GRAMD1B: variants seen among roughly 807,000 people sequenced by gnomAD.
GRAMD1B encodes the protein protein Aster-B.
GRAMD1B carries 37 observed loss-of-function variants against 99.7 expected under a neutral mutation model. The observed-to-expected ratio is 0.37, with a 90% CI of 0.29 to 0.49. The LOEUF (loss-of-function observed/expected upper bound fraction) is 0.49. Among genes scored for constraint, GRAMD1B ranks in the 20% least tolerant of loss-of-function variants. The probability of loss-of-function intolerance (pLI) is 0.98; values close to 1 mark genes in which losing one functional copy is unlikely to be tolerated. For synonymous variants in GRAMD1B, 427 were observed against 387.6 expected, an observed-to-expected ratio of 1.10 and a Z score of -1.19; for missense variants, 888 against 1,009.2, an observed-to-expected ratio of 0.88 and a Z score of 1.63.
At chr11:123,548,360 A>G (rs921886361) in intron 2 of GRAMD1B, among the ~76,000 whole-genome samples, 1 of 107,084 alleles carries the variant, frequency 9.3e-6, no homozygotes, top group Admixed American at 1.0e-4. Flanking sequence ...ATATATATAT[A>G]TATGTACACA....
chr11:123,560,427 G>C, intron 2 of GRAMD1B: 1 of 1,188,154 alleles, frequency 8.4e-7, no homozygotes, highest in Non-Finnish European at 1.1e-6. Flanking sequence ...AAATGCTACA[G>C]CGGTGTGAAA....
chr11:123,371,418 G>T (rs1946525226), intron 1 of GRAMD1B, among the ~76,000 whole-genome samples: 1 of 152,234 alleles, frequency 6.6e-6, no homozygotes, highest in East Asian at 1.9e-4. Flanking sequence ...ACTTTTGAAG[G>T]TTTAAACCAC....
chr11:123,498,298 C>G (rs1939522794), intron 2 of GRAMD1B, among the ~76,000 whole-genome samples: 2 of 152,196 alleles, frequency 1.3e-5, no homozygotes, highest in South Asian at 4.1e-4. Context: ...TTTTCTCAAA[C>G]TGAAGGAGCC....
At chr11:123,462,262 G>A (rs10893042) in intron 1 of GRAMD1B, among the ~76,000 whole-genome samples, 10 of 152,006 alleles carry the variant, frequency 6.6e-5, no homozygotes, top group Non-Finnish European at 1.2e-4. Context: ...CCACCGTGCC[G>A]GGCCAGTCAT....
chr11:123,403,928 C>T (rs943893351), intron 1 of GRAMD1B, among the ~76,000 whole-genome samples: 2 of 152,120 alleles, frequency 1.3e-5, no homozygotes, highest in African/African-American at 4.8e-5. Context: ...AAAAAATTGA[C>T]GCATCTTGTA....
At chr11:123,470,695 G>A (rs1950976664) in intron 1 of GRAMD1B, among the ~76,000 whole-genome samples, 1 of 152,040 alleles carries the variant, frequency 6.6e-6, no homozygotes, top group Admixed American at 6.6e-5. Flanking sequence ...GGGCTACCAC[G>A]TTAAGTGCTG....
chr11:123,609,753 C>T, intron 12 of GRAMD1B, 42 bp from the exon 13 acceptor site: 1 of 1,132,164 alleles, frequency 8.8e-7, no homozygotes, highest in East Asian at 2.5e-5. Context: ...GGAGAGGGCT[C>T]TGCCCTCCCT....
chr11:123,517,526 A>T (rs1337768847), intron 2 of GRAMD1B, among the ~76,000 whole-genome samples: 1 of 152,162 alleles, frequency 6.6e-6, no homozygotes, highest in Non-Finnish European at 1.5e-5. Context: ...TTTTTAATGG[A>T]TGAAGGAGTT....
intron 1 of GRAMD1B, among the ~76,000 whole-genome samples, chr11:123,375,163 T>C (rs1946651029): frequency 1.3e-5 from 2 of 152,218 alleles, no homozygotes; most frequent in Admixed American, 1.3e-4. Flanking sequence ...TTAGGGAGAC[T>C]AAAAGACTTC....
At chr11:123,429,991 C>A (rs1484903896), upstream of GRAMD1B, among the ~76,000 whole-genome samples, 1 of 152,122 alleles carries the variant, frequency 6.6e-6, no homozygotes, top group Non-Finnish European at 1.5e-5. The surrounding 1 kb of genome is among the most constrained non-coding windows in gnomAD (Gnocchi z 4.0). Flanking sequence ...CCTTTCTCTG[C>A]ACCCCCCACC....
At chr11:123,545,053 C>A (rs1187630545) in intron 2 of GRAMD1B, among the ~76,000 whole-genome samples, 2 of 152,200 alleles carry the variant, frequency 1.3e-5, no homozygotes, top group African/African-American at 4.8e-5. Context: ...TGGTCACATA[C>A]CCTCCCCTCC....
intron 2 of GRAMD1B, among the ~76,000 whole-genome samples, chr11:123,555,820 ATCTC>A (rs1386310138): frequency 6.6e-6 from 1 of 151,300 alleles, no homozygotes; most frequent in Non-Finnish European, 1.5e-5. Flanking sequence ...CACAATCTCC[ATCTC>A]CTGGGTTCCA....
At position 123,598,991 on chromosome 11, in the gene GRAMD1B, T is replaced by C. The variant is rs1019217535; in HGVS notation, c.970-1477T>C. 3.7e-6 allele frequency: 4 copies of C among 1,069,666 alleles called. No homozygotes were observed. In the African/African-American group the frequency reaches 6.2e-5, roughly 17 times the overall value. 66.3% of individuals were successfully genotyped at this position (1,069,666 alleles called of 1,614,324 possible). On this transcript the variant is annotated intron_variant, in intron 7 of 19. Transcript: ENST00000635736. ...ATGTGATATAATCCAGCTTCTCAGATGCCTTCAGGTTAATGTACTTGAGGC... is the reference window on the plus strand; with the variant it reads ...ATGTGATATAATCCAGCTTCTCAGACGCCTTCAGGTTAATGTACTTGAGGC...
Position 123,510,795 on chromosome 11 carries a change from C to T in GRAMD1B, c.452+29902C>T, listed in dbSNP as rs561053117. Among the ~76,000 whole-genome samples, 7 of 152,270 alleles carry T rather than the reference C, an allele frequency of 4.6e-5. No individual in the cohort carries two copies. Among genetic ancestry groups the T allele is most frequent in the Admixed American group, 1.3e-4 (2 of 15,302 alleles). ...TTCTCTCTCCTCCTCTCCCTCAGCCCGCCACTCGTGAGCATCCAGGGGCTG... is the reference window on the plus strand; with the variant it reads ...TTCTCTCTCCTCCTCTCCCTCAGCCTGCCACTCGTGAGCATCCAGGGGCTG... On this transcript the variant is annotated intron_variant, in intron 2 of 19. Transcript: ENST00000635736. This position sits in a 1 kb window ranked among gnomAD's most constrained non-coding sequence, Gnocchi z 4.3.
intron 16 of GRAMD1B, 25 bp downstream of exon 16, chr11:123,613,683 G>C: frequency 6.3e-7 from 1 of 1,589,632 alleles, no homozygotes; most frequent in Non-Finnish European, 8.6e-7. Flanking sequence ...GGGACAGGTC[G>C]GGTGGACTAA....
chr11:123,513,539 C>CTTCCT (rs1941262559), intron 2 of GRAMD1B, among the ~76,000 whole-genome samples: 2 of 144,598 alleles, frequency 1.4e-5, no homozygotes, highest in African/African-American at 2.7e-5. Flanking sequence ...TCCTTCCTTC[C>CTTCCT]TTCCTTTCCT....
intron 2 of GRAMD1B, among the ~76,000 whole-genome samples, chr11:123,532,555 T>C (rs1056912983): frequency 4.6e-5 from 7 of 152,236 alleles, no homozygotes; most frequent in African/African-American, 1.7e-4. Flanking sequence ...CAGCAGCACT[T>C]CCTTAGTGCC....
At chr11:123,620,464 CTT>C (rs1954969105) in intron 19 of GRAMD1B, among the ~76,000 whole-genome samples, 1 of 90,364 alleles carries the variant, frequency 1.1e-5, no homozygotes, top group Admixed American at 2.0e-4. Context: ...CAGAGTGAGA[CTT>C]CATCTCAAAA....
intron 7 of GRAMD1B, chr11:123,599,372 G>C: frequency 2.9e-6 from 2 of 687,912 alleles, no homozygotes; most frequent in Non-Finnish European, 5.5e-6. Flanking sequence ...ACTTTTTAGT[G>C]AGCATCTCTT....
Sources: gnomAD v4.1 joint callset for allele counts (sites outside exome capture counted in the v4.1 genomes callset) on GRCh38, gnomAD v4.1.1 for gene constraint, Gnocchi (gnomAD v3.1) non-coding constraint, MANE v1.5 for transcripts, NCBI Gene and HGNC (gene_info 2026-07-23, HGNC 2026-07-21) for gene names.